Variants in HMGCLL1 observed in about 807,000 individuals in gnomAD.
HMGCLL1 encodes 3-hydroxymethyl-3-methylglutaryl-CoA lyase, cytoplasmic.
In HMGCLL1, 36 loss-of-function variants were observed where a neutral mutation model predicts 39.1. The observed-to-expected ratio is 0.92, with a 90% confidence interval of 0.71 to 1.22. HMGCLL1 has a LOEUF of 1.22. Among genes scored for constraint, HMGCLL1 ranks in the 50% most tolerant of loss-of-function variants. HMGCLL1 has a pLI of 0.00. For synonymous variants in HMGCLL1, 149 were observed against 144.0 expected (o/e 1.03, Z -0.25); for missense variants, 451 against 416.5 (o/e 1.08, Z -0.72).
At chr6:55,565,773 G>A (rs532779625) in intron 1 of HMGCLL1, among the ~76,000 whole-genome samples, 97 of 151,998 alleles carry the variant, frequency 6.4e-4, no homozygotes, top group Non-Finnish European at 1.0e-3. Context: ...ATTAAAATAC[G>A]GTCATAAGGG....
chr6:55,632,037 G>T, the HMGCLL1 span, among the ~76,000 whole-genome samples: 1 of 151,944 alleles, frequency 6.6e-6, no homozygotes, highest in Non-Finnish European at 1.5e-5. Flanking sequence ...TTGTTTGTTT[G>T]TTTTGCTTTG....
intron 8 of HMGCLL1, among the ~76,000 whole-genome samples, chr6:55,436,244 T>A (rs1238726239): frequency 6.6e-6 from 1 of 152,020 alleles, no homozygotes; most frequent in Non-Finnish European, 1.5e-5. Flanking sequence ...ACATATATAT[T>A]TTTTAAACCA....
At chr6:55,552,910 G>A (rs1016489679) in intron 1 of HMGCLL1, among the ~76,000 whole-genome samples, 2 of 151,886 alleles carry the variant, frequency 1.3e-5, no homozygotes, top group Non-Finnish European at 2.9e-5. Flanking sequence ...GGGAGGCCAA[G>A]GCGGCTGGAT....
At chr6:55,512,401 G>A (rs1204351936) in intron 5 of HMGCLL1, 1 of 152,000 alleles carries the variant, frequency 6.6e-6, no homozygotes, top group East Asian at 1.9e-4. Context: ...GAAACCAATA[G>A]TATATCTCTC....
At chr6:55,447,724 T>C (rs938109507) in intron 7 of HMGCLL1, among the ~76,000 whole-genome samples, 2 of 152,092 alleles carry the variant, frequency 1.3e-5, no homozygotes, top group Non-Finnish European at 2.9e-5. Context: ...CTCCACAAAG[T>C]CAACCTGAAG....
the HMGCLL1 span, among the ~76,000 whole-genome samples, chr6:55,598,123 C>T: frequency 3.3e-5 from 5 of 152,006 alleles, no homozygotes; most frequent in African/African-American, 7.2e-5. Flanking sequence ...TTCAAATACA[C>T]GGTCAAATAA....
At chr6:55,442,460 G>C (rs1561883049) in intron 7 of HMGCLL1, among the ~76,000 whole-genome samples, 1 of 152,046 alleles carries the variant, frequency 6.6e-6, no homozygotes, top group Non-Finnish European at 1.5e-5. Flanking sequence ...CTCTCACTTG[G>C]CTCCTGTGTC....
At chr6:55,670,246 C>CA in the HMGCLL1 span, among the ~76,000 whole-genome samples, 10 of 150,832 alleles carry the variant, frequency 6.6e-5, no homozygotes, top group Non-Finnish European at 1.2e-4. Context: ...ATTCTATCTC[C>CA]AAAAAAAATA....
intron 3 of HMGCLL1, among the ~76,000 whole-genome samples, chr6:55,525,385 G>C (rs1287219160): frequency 1.3e-5 from 2 of 151,992 alleles, no homozygotes; most frequent in African/African-American, 2.4e-5. Context: ...AATGAAGCAT[G>C]AGTGAAGATT....
chr6:55,591,318 T>TA, the HMGCLL1 span, among the ~76,000 whole-genome samples: 2 of 151,902 alleles, frequency 1.3e-5, no homozygotes, highest in Non-Finnish European at 2.9e-5. Context: ...ATCATAAAGT[T>TA]AAAAAACTCT....
chr6:55,509,715 C>T (rs370188313), intron 5 of HMGCLL1, among the ~76,000 whole-genome samples: 34 of 151,930 alleles, frequency 2.2e-4, no homozygotes, highest in Middle Eastern at 3.4e-3. Context: ...TAATTAAACA[C>T]AGGAAGAATT....
chr6:55,533,036 C>T (rs1434262998), intron 3 of HMGCLL1, among the ~76,000 whole-genome samples: 1 of 150,980 alleles, frequency 6.6e-6, no homozygotes, highest in Non-Finnish European at 1.5e-5. Context: ...CAACTTAATC[C>T]CTACTTAAAA....
At chr6:55,521,284 A>C (rs1768028932) in intron 3 of HMGCLL1, among the ~76,000 whole-genome samples, 1 of 152,116 alleles carries the variant, frequency 6.6e-6, no homozygotes, top group African/African-American at 2.4e-5. Flanking sequence ...TGCAGTGATA[A>C]ACAATGAAAG....
chr6:55,661,807 T>C, the HMGCLL1 span, among the ~76,000 whole-genome samples: 1 of 152,002 alleles, frequency 6.6e-6, no homozygotes, highest in Non-Finnish European at 1.5e-5. Flanking sequence ...CTTTAGGCAG[T>C]ATTGCCATTT....
the HMGCLL1 span, among the ~76,000 whole-genome samples, chr6:55,634,575 CAGTTG>C: frequency 6.6e-6 from 1 of 152,144 alleles, no homozygotes. Context: ...AACATTCCTG[CAGTTG>C]AGATGTCCAT....
At chr6:55,447,003 T>C (rs2127385851) in intron 7 of HMGCLL1, among the ~76,000 whole-genome samples, 1 of 152,164 alleles carries the variant, frequency 6.6e-6, no homozygotes, top group African/African-American at 2.4e-5. Context: ...CATTTTAACA[T>C]GAATATTCAT....
chr6:55,669,114 TTA>T, the HMGCLL1 span, among the ~76,000 whole-genome samples: 3 of 114,952 alleles, frequency 2.6e-5, no homozygotes, highest in East Asian at 7.2e-4. Flanking sequence ...GAAGGAGGAA[TTA>T]AAAAAAAAAA....
chr6:55,489,742 T>C (rs966692575), intron 7 of HMGCLL1, among the ~76,000 whole-genome samples: 1 of 152,070 alleles, frequency 6.6e-6, no homozygotes, highest in Admixed American at 6.6e-5. Context: ...TCTTTAATTT[T>C]TGGAATTACT....
At chr6:55,484,255 C>CT (rs959247202) in intron 7 of HMGCLL1, among the ~76,000 whole-genome samples, 1 of 152,008 alleles carries the variant, frequency 6.6e-6, no homozygotes, top group African/African-American at 2.4e-5. Context: ...TCTTGAAACC[C>CT]TTTTTTGAGA....
Sources: allele counts gnomAD v4.1 joint callset (sites outside exome capture counted in the v4.1 genomes callset), GRCh38; gene constraint gnomAD v4.1.1; transcripts MANE v1.5; gene names NCBI Gene and HGNC (gene_info 2026-07-23, HGNC 2026-07-21).